Variants in C5 observed in about 807,000 individuals in gnomAD.
C5 encodes the protein C3 and PZP-like alpha-2-macroglobulin domain-containing protein 4.
Under a neutral mutation model 218.8 loss-of-function variants are expected in C5, and 140 were observed. The ratio of observed to expected loss-of-function variants is 0.64; its 90% CI spans 0.56 to 0.74. The LOEUF is 0.74. Among genes scored for constraint, C5 ranks in the 30% least tolerant of loss-of-function variants. The probability of loss-of-function intolerance (pLI) is 0.00; values close to 1 mark genes in which losing one functional copy is unlikely to be tolerated. For missense variants in C5, 1,700 were observed against 1,969.6 expected (o/e 0.86, Z 2.59); for synonymous variants, 614 against 682.3 (o/e 0.90, Z 1.56).
intron 17 of C5, among the ~76,000 whole-genome samples, chr9:121,009,446 T>C (rs1287763969): frequency 6.6e-6 from 1 of 152,164 alleles, no homozygotes; most frequent in Non-Finnish European, 1.5e-5. Context: ...GCAACACTGA[T>C]GGGAGTTTTG....
At chr9:120,962,361 T>G (rs1163850149) in intron 36 of C5, among the ~76,000 whole-genome samples, 2 of 152,220 alleles carry the variant, frequency 1.3e-5, no homozygotes, top group Non-Finnish European at 1.5e-5. Flanking sequence ...AAAGGAGAGA[T>G]ATGATTTATC....
chr9:120,981,817 T>C, intron 27 of C5, 27 bp downstream of exon 27: 2 of 1,449,884 alleles, frequency 1.4e-6, no homozygotes, highest in Non-Finnish European at 1.9e-6. Flanking sequence ...AGATGATGGG[T>C]GTGAGAGAAA....
In C5 at chr9:121,041,297, CTTTTTTTTTT is replaced by C. The variant is rs386416117; in HGVS notation, c.421+1697_421+1706del. 2.4e-3 allele frequency among the ~76,000 whole-genome samples: 173 copies of C among 72,680 alleles called. 4 individuals carry two copies. The highest frequency in any genetic ancestry group is 4.9e-3 in the African/African-American group (89 of 18,236). The allele number at this position is 72,680 out of a possible 152,430, so 47.7% of individuals were successfully genotyped here. A position where few individuals can be genotyped will look rare whatever the true frequency, so the allele number is the denominator to read the frequency against. On this transcript the variant is annotated intron_variant, in intron 3 of 40. Transcript: ENST00000223642. ...CTGATAGAGAAATAATACATGAAGC[CTTTTTTTTTT>C]TTTTTTTTTTTTGCTGAGACGAAGT...
In C5 at chr9:120,989,716, G is replaced by A; in HGVS notation, c.3006C>T (p.His1002=). 1 of 1,614,124 alleles carries A rather than the reference G, an allele frequency of 6.2e-7. No individual in the cohort carries two copies. Among genetic ancestry groups the A allele is most frequent in the Non-Finnish European group, 8.5e-7 (1 of 1,179,994 alleles). Reference sequence around the variant, plus strand: ...CCGCCTCTGCACTCCCTTTGGGGAGGTGGGTTAGGATATTGATGCCTTCCT... The same window carrying A: ...CCGCCTCTGCACTCCCTTTGGGGAGATGGGTTAGGATATTGATGCCTTCCT... ...LSQEGINILT[H]LPKGSAEAEL... The change falls in exon 24 of 41, where the codon CAC becomes CAT. Residue 1002 remains histidine (H), a synonymous_variant. Transcript: ENST00000223642.
chr9:121,054,041 CT>C (rs1024131109), upstream of C5, among the ~76,000 whole-genome samples: 22 of 152,178 alleles, frequency 1.4e-4, no homozygotes, highest in Admixed American at 7.2e-4. Context: ...ACTGAATGAA[CT>C]CCCACTTGGC....
At chr9:121,025,765 T>C in intron 8 of C5, 185 bp from the exon 9 acceptor site, 1 of 544,232 alleles carries the variant, frequency 1.8e-6, no homozygotes. Flanking sequence ...ATTATTTGTA[T>C]AGAATTATAG....
At chr9:120,983,656 C>A (rs2047011915) in intron 25 of C5, among the ~76,000 whole-genome samples, 1 of 151,996 alleles carries the variant, frequency 6.6e-6, no homozygotes, top group Admixed American at 6.6e-5. Context: ...ACAAAAAATG[C>A]AAAACATTAG....
chr9:120,960,560 A>G (rs1294492410), intron 37 of C5, among the ~76,000 whole-genome samples: 2 of 152,258 alleles, frequency 1.3e-5, no homozygotes, highest in African/African-American at 2.4e-5. Flanking sequence ...GCATGTCACA[A>G]GCTTGTCTAA....
rs2047462677 is a variant in C5, at chr9:121,030,291, A to G, written c.758+106T>C. On this transcript the variant is annotated intron_variant, in intron 7 of 40. Transcript: ENST00000223642. ...TCAATTAGTCCCCAAATCATGGCAC[A>G]CTTTGATAATAAATCACAGATCTCA... 4.7e-6 allele frequency: 3 copies of G among 636,830 alleles called. 1 individual carries two copies. In the South Asian group the frequency reaches 6.0e-5, roughly 13 times the overall value. The allele number at this position is 636,830 out of a possible 1,614,324, so 39.4% of individuals were successfully genotyped here.
chr9:120,970,186 A>T lies in C5; in HGVS notation c.4146T>A (p.Asp1382Glu). 1 of 1,612,304 alleles carries T rather than the reference A, an allele frequency of 6.2e-7. No homozygotes were observed. The highest frequency in any genetic ancestry group is 8.5e-7 in the Non-Finnish European group (1 of 1,178,430). The change falls in exon 32 of 41, where the codon GAT becomes GAA. Residue 1382 changes from aspartate (D) to glutamate (E), a missense_variant. By Grantham distance (45) the Asp-to-Glu change is conservative. Coordinates refer to ENST00000223642, the MANE Select transcript of C5 (RefSeq NM_001735.3). ...TGTTTTTACCTTCAATATCCTGAGT[A>T]TCGATTTTCAAATAAAAGCTGCAAA... The part of the protein sequence containing the change: ...EEVCSFYLKI[D>E]TQDIEASHYR...
chr9:121,051,029 A>G (rs1353868104), upstream of C5, among the ~76,000 whole-genome samples: 2 of 152,188 alleles, frequency 1.3e-5, no homozygotes, highest in Non-Finnish European at 2.9e-5. Flanking sequence ...GAGGATTTTA[A>G]TAATTTTAAT....
intron 25 of C5, 103 bp downstream of exon 25, chr9:120,988,943 G>C (rs1332989040): frequency 1.1e-5 from 9 of 848,344 alleles, no homozygotes; most frequent in Non-Finnish European, 1.9e-5. Flanking sequence ...GGATGACGAG[G>C]CTTTTAGCCT....
the C5 span, among the ~76,000 whole-genome samples, chr9:121,069,911 A>G: frequency 6.6e-6 from 1 of 152,176 alleles, no homozygotes; most frequent in Non-Finnish European, 1.5e-5. Flanking sequence ...AAATAGAACT[A>G]CCATATGATC....
chr9:121,055,713 T>C, the C5 span, among the ~76,000 whole-genome samples: 1 of 152,166 alleles, frequency 6.6e-6, no homozygotes, highest in Non-Finnish European at 1.5e-5. Flanking sequence ...CCTTGGGCCT[T>C]GAATAAACAT....
chr9:120,973,223 T>C (rs1235858677), intron 30 of C5, among the ~76,000 whole-genome samples: 2 of 152,142 alleles, frequency 1.3e-5, no homozygotes, highest in Non-Finnish European at 2.9e-5. Context: ...GGCTGGGGTT[T>C]AAATTTTGTT....
rs1336160819 is a variant in C5 at position 121,032,132 on chromosome 9, AT to A, written c.647del (p.Tyr216PhefsTer35). On this transcript the variant is annotated frameshift_variant, in exon 6 of 41. Transcript: ENST00000223642. LOFTEE classifies it high-confidence loss of function. ...AATTACCATATTCTTTAACTTCAAA[AT>A]ATGCGGTTCCAGTTGTTGAAAAGTC... ...KEDFSTTGTA[Y>X]FEVKEYVLPH... The A allele has an allele frequency of 6.2e-7, 1 of 1,603,482 alleles. No homozygotes were observed. The highest frequency in any genetic ancestry group is 1.3e-5 in the African/African-American group (1 of 74,724).
At position 120,981,825 on chromosome 9, in the gene C5, A is replaced by T. The variant is rs753060240; in HGVS notation, c.3486+19T>A. ...CAGAAATAGATGATGGGTGTGAGAG[A>T]AAGAAAACTCTTACTTACCACCAGG... is the stretch of plus-strand genomic sequence containing the variant. On this transcript the variant is annotated intron_variant, in intron 27 of 40. Coordinates refer to ENST00000223642, the MANE Select transcript of C5 (RefSeq NM_001735.3). 6.4e-7 allele frequency: 1 copy of T among 1,550,756 alleles called. No homozygotes were observed.
intron 6 of C5, among the ~76,000 whole-genome samples, chr9:121,030,837 T>C (rs1057392740): frequency 2.0e-5 from 3 of 152,170 alleles, no homozygotes; most frequent in Non-Finnish European, 4.4e-5. Flanking sequence ...CAAGATTATT[T>C]TGGCTAATAC....
Position 120,953,677 on chromosome 9 carries a change from T to G in C5, c.4901+53A>C, listed in dbSNP as rs2046763762. On this transcript the variant is annotated intron_variant, in intron 40 of 40. Transcript: ENST00000223642. ...AACACGTAGTGTATTTAAGAATAAATTATACTCAGTTTTGGAGGGAAGATC... is the reference window on the plus strand; with the variant it reads ...AACACGTAGTGTATTTAAGAATAAAGTATACTCAGTTTTGGAGGGAAGATC... 1.9e-6 allele frequency: 3 copies of G among 1,573,104 alleles called. No individual in the cohort carries two copies. In the African/African-American group the frequency reaches 4.0e-5, roughly 21 times the overall value.
Sources: gnomAD v4.1 joint callset for allele counts (sites outside exome capture counted in the v4.1 genomes callset) on GRCh38, gnomAD v4.1.1 for gene constraint, MANE v1.5 for transcripts, NCBI Gene and HGNC (gene_info 2026-07-23, HGNC 2026-07-21) for gene names.